Variants in SCN10A observed in about 807,000 individuals in gnomAD.
SCN10A encodes the protein sodium voltage-gated channel alpha subunit 10.
Under a neutral mutation model 170.7 loss-of-function variants are expected in SCN10A, and 162 were observed. The observed-to-expected ratio is 0.95, with a 90% CI of 0.84 to 1.08. The LOEUF is 1.08. SCN10A is among the 50% of genes least tolerant of loss of function. The pLI is 0.00. For missense variants in SCN10A, 2,527 were observed against 2,436.9 expected, an observed-to-expected ratio of 1.04 and a Z score of -0.78; for synonymous variants, 985 against 904.6, an observed-to-expected ratio of 1.09 and a Z score of -1.59.
chr3:38,760,318 G>A (rs2063854515), intron 8 of SCN10A, among the ~76,000 whole-genome samples: 1 of 152,232 alleles, frequency 6.6e-6, no homozygotes, highest in Non-Finnish European at 1.5e-5. Context: ...GAGGCCACAT[G>A]AGCAGAGACA....
intron 5 of SCN10A, among the ~76,000 whole-genome samples, chr3:38,769,868 G>A (rs2063979011): frequency 6.6e-6 from 1 of 152,158 alleles, no homozygotes; most frequent in South Asian, 2.1e-4. Flanking sequence ...CCAGGCTCTG[G>A]GGTAGTACTG....
intron 4 of SCN10A, among the ~76,000 whole-genome samples, chr3:38,788,215 G>C (rs1158778628): frequency 2.4e-5 from 1 of 41,662 alleles, no homozygotes. Flanking sequence ...GTTATGATTA[G>C]CAAAAAAAAA....
intron 11 of SCN10A, among the ~76,000 whole-genome samples, chr3:38,752,963 C>A (rs2063765659): frequency 6.6e-6 from 1 of 152,162 alleles, no homozygotes; most frequent in African/African-American, 2.4e-5. Flanking sequence ...AATAAGTGCA[C>A]TTCATTGTCT....
chr3:38,799,872 A>T (rs1355014544), intron 1 of SCN10A, among the ~76,000 whole-genome samples: 2 of 152,138 alleles, frequency 1.3e-5, no homozygotes, highest in Non-Finnish European at 1.5e-5. Context: ...TGATGATTTT[A>T]AAATTGTTCG....
Position 38,709,573 on chromosome 3 carries a change from A to G in SCN10A, c.4186T>C (p.Leu1396=). 2 of 1,612,908 alleles carry G rather than the reference A, an allele frequency of 1.2e-6. No homozygotes were observed. The highest frequency in any genetic ancestry group is 1.7e-6 in the Non-Finnish European group (2 of 1,179,448). The part of the protein sequence containing the change: ...PKWEDNVYMY[L]YFVIFIIFGG... Reference sequence around the variant, plus strand: ...AAAATGATGAAGATGACAAAGTACAAATACATGTACACGTTGTCCTCCCAC... The same window carrying G: ...AAAATGATGAAGATGACAAAGTACAGATACATGTACACGTTGTCCTCCCAC... Residue 1396 remains leucine (L), a synonymous_variant, in exon 25 of 28, where the codon TTG becomes CTG. Coordinates refer to ENST00000449082, the MANE Select transcript of SCN10A (RefSeq NM_006514.4).
Position 38,697,909 on chromosome 3 carries a change from G to T in SCN10A, c.5311C>A (p.Leu1771Ile). 6.2e-7 allele frequency: 1 copy of T among 1,614,128 alleles called. No individual in the cohort carries two copies. Among genetic ancestry groups the T allele is most frequent in the Non-Finnish European group, 8.5e-7 (1 of 1,180,040 alleles). ...TTTGGGATTCTCAGGGGACCAGAGA[G>T]AGTGTCTGCAAAGTCCGAGAGAGCA... ...FSALSDFADT[L>I]SGPLRIPKPN... The change falls in exon 28 of 28, where the codon CTC becomes ATC. Residue 1771 changes from leucine to isoleucine, a missense_variant. Leu to Ile is a conservative substitution (Grantham distance 5, BLOSUM62 2). Transcript: ENST00000449082.
chr3:38,792,200 C>T, intron 2 of SCN10A, 32 bp from the exon 3 acceptor site: 1 of 1,608,706 alleles, frequency 6.2e-7, no homozygotes. Context: ...AGTGGACCTC[C>T]AATGAGAAAC....
chr3:38,718,972 T>C (rs952489447), intron 20 of SCN10A, 146 bp from the exon 21 acceptor site: 2 of 708,596 alleles, frequency 2.8e-6, no homozygotes, highest in African/African-American at 3.6e-5. Context: ...TTTTGTTTGC[T>C]GTGGGGAGGT....
At chr3:38,815,777 A>G (rs943893325) in intron 1 of SCN10A, among the ~76,000 whole-genome samples, 1 of 152,260 alleles carries the variant, frequency 6.6e-6, no homozygotes, top group Non-Finnish European at 1.5e-5. Flanking sequence ...TGTAGCATGT[A>G]GAAATTGATA....
intron 2 of SCN10A, 53 bp downstream of exon 2, chr3:38,793,688 C>T (rs991462190): frequency 1.9e-6 from 3 of 1,580,366 alleles, no homozygotes; most frequent in African/African-American, 2.7e-5. Context: ...TGGGTGGGAC[C>T]GAGACTTCCT....
intron 4 of SCN10A, among the ~76,000 whole-genome samples, chr3:38,779,814 C>T (rs1247488580): frequency 6.6e-6 from 1 of 151,642 alleles, no homozygotes; most frequent in Non-Finnish European, 1.5e-5. Flanking sequence ...GTGGAAAGTC[C>T]TCTCATTTCA....
At chr3:38,701,264 T>C (rs543793996) in intron 27 of SCN10A, among the ~76,000 whole-genome samples, 1 of 152,320 alleles carries the variant, frequency 6.6e-6, no homozygotes, top group African/African-American at 2.4e-5. Context: ...AGACTGGGCC[T>C]TAACAGTATT....
chr3:38,753,551 C>T (rs2063771631), intron 11 of SCN10A, among the ~76,000 whole-genome samples: 1 of 152,126 alleles, frequency 6.6e-6, no homozygotes, highest in Admixed American at 6.5e-5. Flanking sequence ...TGTTTAGCAA[C>T]CATTATTAAA....
chr3:38,738,609 G>T (rs2063595944), intron 15 of SCN10A, among the ~76,000 whole-genome samples: 1 of 152,164 alleles, frequency 6.6e-6, no homozygotes, highest in African/African-American at 2.4e-5. Flanking sequence ...TTCAAGTCTA[G>T]ATGCAGGGCT....
chr3:38,712,314 G>C lies in SCN10A; in HGVS notation c.3936C>G (p.Asn1312Lys). The C allele has an allele frequency of 6.2e-7, 1 of 1,614,206 alleles. No homozygotes were observed. The highest frequency in any genetic ancestry group is 8.5e-7 in the Non-Finnish European group (1 of 1,180,036). ...CAAGGGAAAACTCTCCATCGGTATAGTTGATGCACCTCCAAAACTTCCCTG... is the reference window on the plus strand; with the variant it reads ...CAAGGGAAAACTCTCCATCGGTATACTTGATGCACCTCCAAAACTTCCCTG... The part of the protein sequence containing the change: ...LFAGKFWRCI[N>K]YTDGEFSLVP... Residue 1312 changes from asparagine (N) to lysine (K), a missense_variant, in exon 23 of 28, where the codon AAC becomes AAG. Physicochemically the swap from Asn to Lys is moderately conservative, Grantham distance 94 (BLOSUM62 0). Transcript: ENST00000449082.
In SCN10A at chr3:38,771,316, G is replaced by C. The variant is rs767815241; in HGVS notation, c.562C>G (p.Pro188Ala). The C allele has an allele frequency of 1.7e-5, 27 of 1,613,992 alleles. No individual in the cohort carries two copies. The Admixed American group carries it at 4.5e-4, about 27-fold the overall frequency. Residue 188 changes from proline (P) to alanine (A), a missense_variant, in exon 5 of 28, where the codon CCT becomes GCT. Transcript: ENST00000449082. Reference protein sequence around the residue: ...CLNEFTYLRDPWNWLDFSVIT... With the variant: ...CLNEFTYLRDAWNWLDFSVIT... ...ACGCTAAAATCCAGCCAGTTCCAAGGATCTCTCAGGTACGTGAACTCATTT... is the reference window on the plus strand; with the variant it reads ...ACGCTAAAATCCAGCCAGTTCCAAGCATCTCTCAGGTACGTGAACTCATTT...
intron 21 of SCN10A, among the ~76,000 whole-genome samples, chr3:38,714,448 A>C (rs529092927): frequency 6.6e-6 from 1 of 152,234 alleles, no homozygotes; most frequent in Non-Finnish European, 1.5e-5. Flanking sequence ...TGGAGACATG[A>C]TGTTCCCTCC....
At chr3:38,747,869 C>G (rs2063707723) in intron 13 of SCN10A, among the ~76,000 whole-genome samples, 1 of 152,194 alleles carries the variant, frequency 6.6e-6, no homozygotes, top group Non-Finnish European at 1.5e-5. Context: ...AATTTTCCAT[C>G]TCCTTTCCTA....
At chr3:38,701,054 A>G (rs1031278157) in intron 27 of SCN10A, among the ~76,000 whole-genome samples, 3 of 152,220 alleles carry the variant, frequency 2.0e-5, no homozygotes, top group Non-Finnish European at 4.4e-5. Context: ...CTGAGTCTCA[A>G]TTTTAAATGT....
Sources: gnomAD v4.1 joint callset for allele counts (sites outside exome capture counted in the v4.1 genomes callset) on GRCh38, gnomAD v4.1.1 for gene constraint, MANE v1.5 for transcripts, NCBI Gene and HGNC (gene_info 2026-07-23, HGNC 2026-07-21) for gene names.